MAGI2: variants seen among roughly 807,000 people sequenced by gnomAD.
MAGI2 encodes the protein membrane associated guanylate kinase, WW and PDZ domain containing 2, also known as membrane-associated guanylate kinase, WW and PDZ domain-containing protein 2.
Under a neutral mutation model 133.3 loss-of-function variants are expected in MAGI2, and 35 were observed. The ratio of observed to expected loss-of-function variants is 0.26; its 90% confidence interval spans 0.20 to 0.35. The LOEUF is 0.35. Ranked by LOEUF, MAGI2 falls within the 10% of genes least tolerant of loss-of-function variation. The probability of loss-of-function intolerance (pLI) is 1.00; values close to 1 mark genes in which losing one functional copy is unlikely to be tolerated. For missense variants in MAGI2, 1,636 were observed against 1,863.4 expected (o/e 0.88, Z 2.25); for synonymous variants, 729 against 710.6 (o/e 1.03, Z -0.41).
chr7:78,867,235 G>A (rs1794636929), intron 2 of MAGI2, among the ~76,000 whole-genome samples: 1 of 151,356 alleles, frequency 6.6e-6, no homozygotes, highest in Non-Finnish European at 1.5e-5. Context: ...AAAGACACAT[G>A]CACACGTATG....
At chr7:78,970,676 A>G (rs566759923) in intron 2 of MAGI2, among the ~76,000 whole-genome samples, 38 of 152,220 alleles carry the variant, frequency 2.5e-4, no homozygotes, top group Non-Finnish European at 5.3e-4. Context: ...AACAAGAGCT[A>G]ATTCATCCTG....
intron 1 of MAGI2, among the ~76,000 whole-genome samples, chr7:79,336,968 T>A (rs958465100): frequency 1.3e-5 from 2 of 150,598 alleles, no homozygotes; most frequent in African/African-American, 4.9e-5. Flanking sequence ...CAGGGACTTC[T>A]GTTAATTACA....
chr7:78,391,428 G>A (rs1795890984), intron 6 of MAGI2, among the ~76,000 whole-genome samples: 2 of 152,116 alleles, frequency 1.3e-5, no homozygotes, highest in Non-Finnish European at 2.9e-5. Flanking sequence ...ATATTTGGAA[G>A]CCTATTTCAT....
At chr7:78,306,458 T>C (rs1161313431) in intron 9 of MAGI2, among the ~76,000 whole-genome samples, 2 of 152,222 alleles carry the variant, frequency 1.3e-5, no homozygotes, top group Non-Finnish European at 2.9e-5. Flanking sequence ...TGGTTTGTTG[T>C]CCACATTCCA....
intron 1 of MAGI2, among the ~76,000 whole-genome samples, chr7:79,445,191 A>G (rs1430785443): frequency 4.6e-5 from 7 of 152,234 alleles, no homozygotes; most frequent in African/African-American, 4.8e-5. Context: ...CTTAAATGTT[A>G]GACCTAAAAC....
intron 6 of MAGI2, among the ~76,000 whole-genome samples, chr7:78,379,399 G>A (rs1554377489): frequency 6.6e-6 from 1 of 151,900 alleles, no homozygotes; most frequent in Non-Finnish European, 1.5e-5. Flanking sequence ...ATAAAACAGA[G>A]TTTACAGTCT....
At chr7:79,404,416 GC>G (rs1249193300) in intron 1 of MAGI2, among the ~76,000 whole-genome samples, 1 of 152,010 alleles carries the variant, frequency 6.6e-6, no homozygotes, top group Non-Finnish European at 1.5e-5. Flanking sequence ...GGTCACTGCA[GC>G]CTTGAACTCC....
intron 7 of MAGI2, among the ~76,000 whole-genome samples, chr7:78,363,403 G>A (rs1241664653): frequency 2.6e-5 from 4 of 152,130 alleles, no homozygotes; most frequent in Non-Finnish European, 5.9e-5. Context: ...TGAGGCAGGA[G>A]AATGGCGCGA....
At chr7:78,482,781 G>A (rs1385532543) in intron 6 of MAGI2, among the ~76,000 whole-genome samples, 1 of 151,448 alleles carries the variant, frequency 6.6e-6, no homozygotes, top group Admixed American at 6.6e-5. Flanking sequence ...GCTATGAAGG[G>A]GTAGCATAAG....
Position 78,019,262 on chromosome 7 carries a change from C to T in MAGI2, c.*53G>A. 6.4e-7 allele frequency: 1 copy of T among 1,570,666 alleles called. No homozygotes were observed. Among genetic ancestry groups the T allele is most frequent in the Non-Finnish European group, 8.6e-7 (1 of 1,165,418 alleles). ...TAAATTAAAACGCCGTGAGACGGAA[C>T]CTAAGAAGAACTGCCTGCGCCGGGG... On this transcript the variant is annotated 3_prime_UTR_variant, in exon 22 of 22. Coordinates refer to ENST00000354212, the MANE Select transcript of MAGI2 (RefSeq NM_012301.4).
chr7:79,225,115 A>C (rs1830738139), intron 1 of MAGI2, among the ~76,000 whole-genome samples: 1 of 152,144 alleles, frequency 6.6e-6, no homozygotes, highest in Admixed American at 6.6e-5. Flanking sequence ...ATCTCCTCCA[A>C]GTAATTATGC....
At chr7:79,122,772 A>C (rs905865365) in intron 1 of MAGI2, among the ~76,000 whole-genome samples, 1 of 151,644 alleles carries the variant, frequency 6.6e-6, no homozygotes, top group Admixed American at 6.6e-5. Context: ...AGCCACTGCA[A>C]CCTCCACCTC....
intron 3 of MAGI2, among the ~76,000 whole-genome samples, chr7:78,592,050 G>A (rs1027149237): frequency 6.6e-6 from 1 of 152,076 alleles, no homozygotes; most frequent in Non-Finnish European, 1.5e-5. Flanking sequence ...AAATATGAGG[G>A]AGGACAGGTG....
chr7:78,868,434 A>G (rs764956691), intron 2 of MAGI2, among the ~76,000 whole-genome samples: 1 of 152,258 alleles, frequency 6.6e-6, no homozygotes, highest in Non-Finnish European at 1.5e-5. Context: ...GTCTGGCACC[A>G]GAGCCCATGC....
intron 21 of MAGI2, among the ~76,000 whole-genome samples, chr7:78,063,679 T>C (rs1178503007): frequency 6.6e-6 from 1 of 152,168 alleles, no homozygotes; most frequent in Admixed American, 6.5e-5. Flanking sequence ...AACAGGCTTA[T>C]CTTTTTTCCA....
intron 1 of MAGI2, among the ~76,000 whole-genome samples, chr7:79,223,710 C>T (rs1331235944): frequency 6.6e-6 from 1 of 151,966 alleles, no homozygotes; most frequent in Non-Finnish European, 1.5e-5. Flanking sequence ...AGCAATTTAT[C>T]ATAGATTATC....
chr7:79,444,535 T>C (rs1387216263), intron 1 of MAGI2, among the ~76,000 whole-genome samples: 3 of 151,634 alleles, frequency 2.0e-5, no homozygotes, highest in Admixed American at 1.3e-4. Context: ...AAACACAGAG[T>C]CAAATCATGA....
intron 6 of MAGI2, among the ~76,000 whole-genome samples, chr7:78,475,009 T>C (rs1199426572): frequency 6.6e-6 from 1 of 151,928 alleles, no homozygotes; most frequent in Non-Finnish European, 1.5e-5. Flanking sequence ...TGTTCATCTA[T>C]CCCTTTCTTG....
chr7:78,866,452 A>G (rs533384373), intron 2 of MAGI2, among the ~76,000 whole-genome samples: 1 of 152,096 alleles, frequency 6.6e-6, no homozygotes, highest in South Asian at 2.1e-4. Flanking sequence ...CATGTTTTCT[A>G]TTTCTTCTCT....
Sources: gnomAD v4.1 joint callset for allele counts (sites outside exome capture counted in the v4.1 genomes callset) on GRCh38, gnomAD v4.1.1 for gene constraint, MANE v1.5 for transcripts, NCBI Gene and HGNC (gene_info 2026-07-23, HGNC 2026-07-21) for gene names.